NAPA: variants seen among roughly 807,000 people sequenced by gnomAD.
NAPA encodes NSF attachment protein alpha.
Under a neutral mutation model 48.0 loss-of-function variants are expected in NAPA, and 18 were observed. The ratio of observed to expected loss-of-function variants is 0.38; its 90% CI spans 0.26 to 0.56. NAPA has a LOEUF of 0.56. NAPA is among the 20% of genes least tolerant of loss of function. The pLI is 0.77. For synonymous variants in NAPA, 152 were observed against 149.9 expected (o/e 1.01, Z -0.10); for missense variants, 315 against 385.0 (o/e 0.82, Z 1.52).
rs761367817 is a variant in NAPA at position 47,500,642 on chromosome 19, C to T, written c.286G>A (p.Asp96Asn). ...CCGCAGAGGCCCTCACCTTGGGGGT[C>T]GGCTTTCTTGAATGCGTTGCCAGCG... ...VDAGNAFKKA[D>N]PQEAINCLMR... The change falls in exon 3 of 11, where the codon GAC becomes AAC. Residue 96 changes from aspartate (D) to asparagine (N), a missense_variant. Around this residue, in one of 3 missense-constraint regions of NAPA, gnomAD observed 173 missense variants for 213.5 expected, o/e 0.81. Transcript: ENST00000263354. 5.0e-6 allele frequency: 8 copies of T among 1,608,120 alleles called. No homozygotes were observed. The Admixed American group carries it at 6.8e-5, about 14-fold the overall frequency.
At chr19:47,496,721 G>A in intron 3 of NAPA, 1 of 349,034 alleles carries the variant, frequency 2.9e-6, no homozygotes, top group East Asian at 8.4e-5. Flanking sequence ...CTCACGGTCT[G>A]GATGGGACTC....
At position 47,493,620 on chromosome 19, in the gene NAPA, G is replaced by A. The variant is rs980057750; in HGVS notation, c.343-127C>T. 5.1e-6 allele frequency: 4 copies of A among 784,136 alleles called. No homozygotes were observed. Among genetic ancestry groups the A allele is most frequent in the African/African-American group, 1.7e-5 (1 of 59,346 alleles). The allele number at this position is 784,136 out of a possible 1,614,324, so 48.6% of individuals were successfully genotyped here. Reference sequence around the variant, plus strand: ...TGAGGAGGTATGAAGAAGACCTGAGGTGTGAAGAAGATCGAGAGGTGGGGG... The same window carrying A: ...TGAGGAGGTATGAAGAAGACCTGAGATGTGAAGAAGATCGAGAGGTGGGGG... On this transcript the variant is annotated intron_variant, in intron 4 of 10. Transcript: ENST00000263354. This position sits in a 1 kb window ranked among gnomAD's most constrained non-coding sequence, Gnocchi z 6.4.
chr19:47,505,992 TTC>T (rs1290807995), intron 1 of NAPA, among the ~76,000 whole-genome samples: 2 of 148,222 alleles, frequency 1.3e-5, no homozygotes, highest in African/African-American at 5.0e-5. Flanking sequence ...TTGGAGTGAC[TTC>T]TTTTTTTTTT....
At position 47,505,167 on chromosome 19, in the gene NAPA, T is replaced by A. The variant is rs74371281; in HGVS notation, c.99-1665A>T. On this transcript the variant is annotated intron_variant, in intron 1 of 10. Coordinates refer to ENST00000263354, the MANE Select transcript of NAPA (RefSeq NM_003827.4). The stretch of plus-strand genomic sequence containing the variant: ...TATCTACATAATCAGTAGAATAAAA[T>A]CCACACACTCTGGAGTCCCACCAAA... Among the ~76,000 whole-genome samples the A allele has an allele frequency of 9.8e-3, 1,493 of 152,216 alleles. 60 individuals are homozygous for A. Among genetic ancestry groups the A allele is most frequent in the East Asian group, 0.065 (334 of 5,178 alleles).
intron 3 of NAPA, among the ~76,000 whole-genome samples, chr19:47,500,321 C>T (rs116831786): frequency 0.015 from 2,258 of 152,270 alleles, 39 homozygotes; most frequent in Middle Eastern, 0.054. Context: ...CCTCTCTCCC[C>T]GGCAGGCGGT....
chr19:47,500,620 C>T lies in NAPA; in HGVS notation c.295+13G>A, dbSNP rs558156296. The T allele has an allele frequency of 6.3e-7, 1 of 1,596,432 alleles. No homozygotes were observed. The highest frequency in any genetic ancestry group is 1.3e-5 in the African/African-American group (1 of 74,288). On this transcript the variant is annotated intron_variant, in intron 3 of 10. Transcript: ENST00000263354. ...CCGGACAGCCAGCCCGTGTGGCCCG[C>T]AGAGGCCCTCACCTTGGGGGTCGGC...
At chr19:47,497,292 A>G (rs947930809) in intron 3 of NAPA, 1 of 157,082 alleles carries the variant, frequency 6.4e-6, no homozygotes, top group East Asian at 1.9e-4. Context: ...CGCAGTGAGC[A>G]GTGAGATCTG....
Position 47,514,876 on chromosome 19 carries a change from T to C in NAPA, c.65A>G (p.Lys22Arg), listed in dbSNP as rs756412286. The C allele has an allele frequency of 3.1e-6, 5 of 1,614,060 alleles. No individual in the cohort carries two copies. The East Asian group carries it at 1.1e-4, about 36-fold the overall frequency. The change falls in exon 1 of 11, where the codon AAG becomes AGG. Residue 22 changes from lysine to arginine, a missense_variant. By Grantham distance (26) the Lys-to-Arg change is conservative. Transcript: ENST00000263354. ...GCCAGAGAAGAAGGACTGCGAGTTC[T>C]TCACTTTGCGCTCCGCCTCGGCCAA... ...ALLAEAERKVKNSQSFFSGLF... is the reference protein window; with the variant it reads ...ALLAEAERKVRNSQSFFSGLF...
rs1181716606 is a variant in NAPA, at chr19:47,493,533, C to T, written c.343-40G>A. ...GGAAGGGGCTGCCTGCGACTCATGA[C>T]CTCCTGCGTGCCTGCCTGCTGACCT... On this transcript the variant is annotated intron_variant, in intron 4 of 10. Transcript: ENST00000263354. This position sits in a 1 kb window ranked among gnomAD's most constrained non-coding sequence, Gnocchi z 6.4. 1 of 1,579,370 alleles carries T rather than the reference C, an allele frequency of 6.3e-7. No individual in the cohort carries two copies. The highest frequency in any genetic ancestry group is 1.3e-5 in the African/African-American group (1 of 74,210).
At chr19:47,504,092 A>T (rs8110717) in intron 1 of NAPA, among the ~76,000 whole-genome samples, 5,354 of 148,032 alleles carry the variant, frequency 0.036, 290 homozygotes, top group African/African-American at 0.13. Context: ...ATTTGTGTTT[A>T]AAAAAAAAAG....
chr19:47,503,274 A>T (rs1226157519), intron 2 of NAPA, 149 bp downstream of exon 2: 1 of 705,834 alleles, frequency 1.4e-6, no homozygotes, highest in Non-Finnish European at 2.5e-6. Context: ...CAGGCACAAA[A>T]CAAGAGAGCA....
intron 1 of NAPA, chr19:47,512,739 G>C (rs749134957): frequency 6.6e-6 from 1 of 152,278 alleles, no homozygotes; most frequent in Non-Finnish European, 1.5e-5. Flanking sequence ...ATCAGCCCCG[G>C]ATGTTTCTCC....
downstream of NAPA, among the ~76,000 whole-genome samples, chr19:47,485,693 A>G (rs1388413196): frequency 6.6e-6 from 1 of 152,246 alleles, no homozygotes; most frequent in Admixed American, 6.5e-5. Context: ...CAGCTCTTAC[A>G]TGATGGAAAG....
intron 1 of NAPA, among the ~76,000 whole-genome samples, chr19:47,512,385 A>T (rs1431324332): frequency 6.6e-6 from 1 of 151,956 alleles, no homozygotes; most frequent in East Asian, 1.9e-4. Flanking sequence ...CTGAGCTCAG[A>T]CAGTCACAGG....
At chr19:47,504,329 A>T (rs1193671889) in intron 1 of NAPA, among the ~76,000 whole-genome samples, 1 of 142,926 alleles carries the variant, frequency 7.0e-6, no homozygotes, top group Non-Finnish European at 1.5e-5. Context: ...TGGGAGGCAG[A>T]GGTTGCAGTA....
chr19:47,501,620 A>G (rs1187374378), intron 2 of NAPA: 2 of 152,316 alleles, frequency 1.3e-5, no homozygotes, highest in Non-Finnish European at 2.9e-5. Context: ...GGAGGGCAGA[A>G]GAGACCGTGC....
chr19:47,502,506 C>T (rs1968602126), intron 2 of NAPA, among the ~76,000 whole-genome samples: 1 of 152,028 alleles, frequency 6.6e-6, no homozygotes, highest in South Asian at 2.1e-4. Flanking sequence ...TTGGGGAAAC[C>T]AACAACATTC....
At chr19:47,492,760 G>GGCACGTCTCCA in intron 7 of NAPA, 1 of 696,800 alleles carries the variant, frequency 1.4e-6, no homozygotes, top group Non-Finnish European at 2.6e-6. Context: ...AGACGGTGCT[G>GGCACGTCTCCA]GCACGGCATG....
intron 1 of NAPA, chr19:47,505,676 A>T (rs945065734): frequency 2.0e-5 from 3 of 152,242 alleles, no homozygotes; most frequent in African/African-American, 7.2e-5. Context: ...ATCAGCGGCC[A>T]GGCCTGGCAA....
Sources: gnomAD v4.1 joint callset for allele counts (sites outside exome capture counted in the v4.1 genomes callset) on GRCh38, gnomAD v4.1.1 for gene constraint, gnomAD v4.1.1 regional missense constraint, Gnocchi (gnomAD v3.1) non-coding constraint, MANE v1.5 for transcripts, NCBI Gene and HGNC (gene_info 2026-07-23, HGNC 2026-07-21) for gene names.